DOCK1: variants seen among roughly 807,000 people sequenced by gnomAD.
DOCK1 encodes dedicator of cytokinesis 1, also known as dedicator of cytokinesis protein 1.
Under a neutral mutation model 262.7 loss-of-function variants are expected in DOCK1, and 138 were observed. That is an observed-to-expected ratio of 0.53 (90% CI 0.46 to 0.61). The LOEUF (loss-of-function observed/expected upper bound fraction) is 0.61. Among genes scored for constraint, DOCK1 ranks in the 20% least tolerant of loss-of-function variants. The pLI is 0.00. For missense variants in DOCK1, 1,908 were observed against 2,370.7 expected (o/e 0.80, Z 4.05); for synonymous variants, 866 against 867.4 (o/e 1.00, Z 0.03).
chr10:127,269,851 A>G (rs547087967), intron 29 of DOCK1, among the ~76,000 whole-genome samples: 2 of 152,326 alleles, frequency 1.3e-5, no homozygotes, highest in South Asian at 4.1e-4. Flanking sequence ...GACGCCCACC[A>G]CCCATGCAGT....
intron 51 of DOCK1, among the ~76,000 whole-genome samples, chr10:127,447,792 AG>A (rs2070685557): frequency 6.6e-6 from 1 of 152,264 alleles, no homozygotes; most frequent in African/African-American, 2.4e-5. Context: ...ATCATGCCTC[AG>A]AACGAGGAAG....
chr10:127,232,137 G>A (rs1162121541), intron 27 of DOCK1, among the ~76,000 whole-genome samples: 3 of 151,542 alleles, frequency 2.0e-5, no homozygotes, highest in Non-Finnish European at 4.4e-5. Context: ...ATCCTGAAGG[G>A]TGCAGACCTT....
intron 31 of DOCK1, among the ~76,000 whole-genome samples, chr10:127,354,231 G>A (rs1565018230): frequency 6.6e-6 from 1 of 152,176 alleles, no homozygotes; most frequent in Non-Finnish European, 1.5e-5. Context: ...ATAGAGGAAT[G>A]CAAGAACTTT....
At chr10:127,444,740 T>G (rs2070424642) in intron 50 of DOCK1, among the ~76,000 whole-genome samples, 2 of 152,150 alleles carry the variant, frequency 1.3e-5, no homozygotes, top group African/African-American at 4.8e-5. Context: ...AACTGGTGGC[T>G]CCAAACAGCA....
At chr10:127,377,907 A>G (rs907759747) in intron 35 of DOCK1, among the ~76,000 whole-genome samples, 40 of 151,462 alleles carry the variant, frequency 2.6e-4, no homozygotes, top group Non-Finnish European at 3.8e-4. Context: ...AAAAAAAAAA[A>G]AAGAAGAAAG....
chr10:127,020,783 G>A (rs1002732342), intron 13 of DOCK1, among the ~76,000 whole-genome samples: 3 of 152,142 alleles, frequency 2.0e-5, no homozygotes, highest in African/African-American at 7.2e-5. Context: ...GAGAGAGTAT[G>A]GGCGGTTATC....
chr10:126,998,259 ATT>A lies in DOCK1; in HGVS notation c.767+12_767+13del, dbSNP rs761377400. The A allele has an allele frequency of 1.2e-6, 2 of 1,613,354 alleles. No homozygotes were observed. The highest frequency in any genetic ancestry group is 2.7e-5 in the African/African-American group (2 of 75,000). The stretch of plus-strand genomic sequence containing the variant: ...AGTCCAAATTCATCAGGTGGGTGAC[ATT>A]TCTTGGCTGCCGTCTTTCCTCTTTG... On this transcript the variant is annotated intron_variant, in intron 8 of 51. Transcript: ENST00000623213.
In DOCK1 at chr10:127,367,452, ACT is replaced by A. The variant is rs530359673; in HGVS notation, c.3432+5245_3432+5246del. On this transcript the variant is annotated intron_variant, in intron 33 of 51. Coordinates refer to ENST00000623213, the MANE Select transcript of DOCK1 (RefSeq NM_001290223.2). Reference sequence around the variant, plus strand: ...GGCCATGTCCTCCTTGTGGCCTGGGACTCTCTGTCCAGCGCTGCAGTGAGTGC... The same window carrying A: ...GGCCATGTCCTCCTTGTGGCCTGGGACTCTGTCCAGCGCTGCAGTGAGTGC... Among the ~76,000 whole-genome samples, 1,107 of 151,178 alleles carry A rather than the reference ACT, an allele frequency of 7.3e-3. 18 individuals are homozygous for A. The highest frequency in any genetic ancestry group is 0.012 in the Non-Finnish European group (808 of 67,710).
At chr10:127,008,889 T>A in intron 11 of DOCK1, 85 bp downstream of exon 11, 1 of 1,177,096 alleles carries the variant, frequency 8.5e-7, no homozygotes, top group Non-Finnish European at 1.2e-6. Context: ...ATTAAATGGA[T>A]AAACATAACT....
chr10:127,137,626 C>A (rs912525370), intron 27 of DOCK1: 6 of 471,858 alleles, frequency 1.3e-5, no homozygotes, highest in Non-Finnish European at 2.2e-5. Flanking sequence ...CATCAGTGAA[C>A]TGCAAAGAAC....
rs1192865360 is a variant in DOCK1 at position 127,175,576 on chromosome 10, CAG to C, written c.2847+47815_2847+47816del. On this transcript the variant is annotated intron_variant, in intron 27 of 51. Coordinates refer to ENST00000623213, the MANE Select transcript of DOCK1 (RefSeq NM_001290223.2). The surrounding 1 kb of genome is among the most constrained non-coding windows in gnomAD (Gnocchi z 6.3). Reference sequence around the variant, plus strand: ...CAGAGTGACCACTGGCTGGCGGCTGCAGAGTCTGACAAACCAGGCTCGGGGGC... The same window carrying C: ...CAGAGTGACCACTGGCTGGCGGCTGCAGTCTGACAAACCAGGCTCGGGGGC... 6.2e-7 allele frequency: 1 copy of C among 1,612,016 alleles called. No homozygotes were observed. The highest frequency in any genetic ancestry group is 8.5e-7 in the Non-Finnish European group (1 of 1,179,892).
intron 1 of DOCK1, among the ~76,000 whole-genome samples, chr10:126,947,779 A>ATGG (rs2035642134): frequency 6.5e-5 from 1 of 15,438 alleles, no homozygotes; most frequent in Non-Finnish European, 1.4e-4. Context: ...GTTGGTGGTG[A>ATGG]TGGTGGTGGT....
At chr10:127,333,142 G>A (rs769478418) in intron 29 of DOCK1, among the ~76,000 whole-genome samples, 2 of 152,132 alleles carry the variant, frequency 1.3e-5, no homozygotes, top group South Asian at 2.1e-4. Flanking sequence ...AAGATACATC[G>A]TCTCCACCCC....
chr10:127,150,336 C>T (rs1291429105), intron 27 of DOCK1, among the ~76,000 whole-genome samples: 1 of 150,610 alleles, frequency 6.6e-6, no homozygotes, highest in Non-Finnish European at 1.5e-5. Flanking sequence ...CCATTGCTCA[C>T]CCTCCCCTTT....
chr10:126,949,364 C>A (rs1203282230), intron 1 of DOCK1, among the ~76,000 whole-genome samples: 5 of 152,124 alleles, frequency 3.3e-5, no homozygotes, highest in Non-Finnish European at 7.3e-5. Flanking sequence ...ACAAGTGCAA[C>A]CCAGGCAGGA....
chr10:127,153,770 C>A (rs2052744514), intron 27 of DOCK1: 4 of 1,080,466 alleles, frequency 3.7e-6, no homozygotes, highest in Non-Finnish European at 5.7e-6. Flanking sequence ...CCCAGCATGG[C>A]CCCAGATCGT....
At chr10:126,946,039 G>A (rs962059105) in intron 1 of DOCK1, among the ~76,000 whole-genome samples, 1 of 151,996 alleles carries the variant, frequency 6.6e-6, no homozygotes, top group African/African-American at 2.4e-5. Flanking sequence ...TACCATGCAG[G>A]GTATCCACTG....
rs770525235 is a variant in DOCK1 at position 127,034,071 on chromosome 10, A to G, written c.1912+1751A>G. Reference sequence around the variant, plus strand: ...GGGTGTGGGATCTATGCAGCCGTGCAGTGGGGAAGGGAGAGAATGCACAGG... The same window carrying G: ...GGGTGTGGGATCTATGCAGCCGTGCGGTGGGGAAGGGAGAGAATGCACAGG... On this transcript the variant is annotated intron_variant, in intron 18 of 51. Coordinates refer to ENST00000623213, the MANE Select transcript of DOCK1 (RefSeq NM_001290223.2). Among the ~76,000 whole-genome samples, 2 of 152,170 alleles carry G rather than the reference A, an allele frequency of 1.3e-5. 1 individual carries two copies. Among genetic ancestry groups the G allele is most frequent in the South Asian group, 4.1e-4 (2 of 4,828 alleles).
At chr10:127,083,559 AAAAC>A (rs2047029531) in intron 23 of DOCK1, among the ~76,000 whole-genome samples, 1 of 152,252 alleles carries the variant, frequency 6.6e-6, no homozygotes, top group African/African-American at 2.4e-5. Context: ...GATAGATAAT[AAAAC>A]AGAGTGGAAT....
Sources: gnomAD v4.1 joint callset for allele counts (sites outside exome capture counted in the v4.1 genomes callset) on GRCh38, gnomAD v4.1.1 for gene constraint, Gnocchi (gnomAD v3.1) non-coding constraint, MANE v1.5 for transcripts, NCBI Gene and HGNC (gene_info 2026-07-23, HGNC 2026-07-21) for gene names.